The following ADAMTS17 variants were observed in gnomAD, a reference collection of about 807,000 sequenced individuals.
The protein encoded by ADAMTS17 is A disintegrin and metalloproteinase with thrombospondin motifs 17.
ADAMTS17 carries 113 observed loss-of-function variants against 141.5 expected under a neutral mutation model. That is an observed-to-expected ratio of 0.80 (90% CI 0.69 to 0.93). The LOEUF (loss-of-function observed/expected upper bound fraction) is 0.93, where lower values mean the gene tolerates loss of function less well. Ranked by LOEUF, ADAMTS17 falls within the 40% of genes least tolerant of loss-of-function variation. The pLI is 0.00. For missense variants in ADAMTS17, 1,659 were observed against 1,517.9 expected, an observed-to-expected ratio of 1.09 and a Z score of -1.54; for synonymous variants, 768 against 630.6, an observed-to-expected ratio of 1.22 and a Z score of -3.27.
chr15:100,049,039 G>A (rs1314016561), intron 17 of ADAMTS17, 47 bp from the exon 18 acceptor site: 8 of 1,613,772 alleles, frequency 5.0e-6, no homozygotes, highest in South Asian at 2.2e-5. Flanking sequence ...CTGCACCCAC[G>A]TGGAAAGGCT....
At chr15:100,015,565 T>A (rs930507950) in intron 18 of ADAMTS17, among the ~76,000 whole-genome samples, 4 of 152,230 alleles carry the variant, frequency 2.6e-5, no homozygotes, top group African/African-American at 9.6e-5. Flanking sequence ...GGCTTGGTAG[T>A]GGCGAATTCT....
At chr15:100,328,085 G>A (rs2045947515) in intron 3 of ADAMTS17, among the ~76,000 whole-genome samples, 1 of 152,128 alleles carries the variant, frequency 6.6e-6, no homozygotes, top group Non-Finnish European at 1.5e-5. Flanking sequence ...TCATAACACA[G>A]GGTCACCAAC....
chr15:100,161,314 G>C (rs1402907101), intron 8 of ADAMTS17, among the ~76,000 whole-genome samples: 3 of 152,182 alleles, frequency 2.0e-5, no homozygotes, highest in African/African-American at 4.8e-5. Context: ...AGCTTTACCT[G>C]GCTCTGACCG....
chr15:100,002,394 G>A (rs28615596), intron 18 of ADAMTS17, among the ~76,000 whole-genome samples: 3,101 of 152,122 alleles, frequency 0.02, 166 homozygotes, highest in African/African-American at 0.07. Flanking sequence ...GCATGCCGTA[G>A]GCCACAGGGT....
chr15:100,108,050 G>A (rs1037185977), intron 14 of ADAMTS17, among the ~76,000 whole-genome samples: 1 of 152,164 alleles, frequency 6.6e-6, no homozygotes, highest in African/African-American at 2.4e-5. Flanking sequence ...TGGGAGCATG[G>A]AGTCACCTCT....
chr15:100,187,988 G>A (rs1335988293), intron 8 of ADAMTS17, among the ~76,000 whole-genome samples: 1 of 152,208 alleles, frequency 6.6e-6, no homozygotes, highest in Non-Finnish European at 1.5e-5. Context: ...GGAGGCTAAG[G>A]TGGGAGGGGC....
intron 8 of ADAMTS17, among the ~76,000 whole-genome samples, chr15:100,196,638 A>G (rs760659046): frequency 6.6e-5 from 10 of 152,258 alleles, no homozygotes; most frequent in Non-Finnish European, 1.3e-4. Context: ...CTTTCTTCAC[A>G]TAAGCTAAGG....
chr15:99,974,848 G>A (rs1596126078), intron 21 of ADAMTS17, among the ~76,000 whole-genome samples: 2 of 152,212 alleles, frequency 1.3e-5, no homozygotes, highest in African/African-American at 4.8e-5. Flanking sequence ...GAGCTAAGTG[G>A]CACTTACTAT....
chr15:100,155,432 G>A (rs1295586929), intron 8 of ADAMTS17, 112 bp from the exon 9 acceptor site: 31 of 1,461,534 alleles, frequency 2.1e-5, no homozygotes, highest in Middle Eastern at 2.1e-4. Context: ...AAAAACGGAC[G>A]TAACGTGAAA....
At chr15:100,223,998 G>A (rs1000007500) in intron 7 of ADAMTS17, among the ~76,000 whole-genome samples, 12 of 152,064 alleles carry the variant, frequency 7.9e-5, no homozygotes, top group Admixed American at 7.2e-4. Flanking sequence ...GACGTAGGCT[G>A]GGAGGCTTGG....
Position 100,088,300 on chromosome 15 carries a change from T to C in ADAMTS17, c.2137+8056A>G, listed in dbSNP as rs1289674602. 3.3e-5 allele frequency among the ~76,000 whole-genome samples: 5 copies of C among 152,106 alleles called. 1 individual carries two copies. Among genetic ancestry groups the C allele is most frequent in the African/African-American group, 7.2e-5 (3 of 41,422 alleles). ...TTTACAAGGGATGTGAAGGACCTTTTAAGGAGAACTACAAACCACTGCTCA... is the reference window on the plus strand; with the variant it reads ...TTTACAAGGGATGTGAAGGACCTTTCAAGGAGAACTACAAACCACTGCTCA... On this transcript the variant is annotated intron_variant, in intron 15 of 21. Coordinates refer to ENST00000268070, the MANE Select transcript of ADAMTS17 (RefSeq NM_139057.4).
intron 3 of ADAMTS17, among the ~76,000 whole-genome samples, chr15:100,313,174 T>C (rs6598325): frequency 0.68 from 103,583 of 152,032 alleles, 35,813 homozygotes; most frequent in African/African-American, 0.79. Context: ...CTTCTTTTCA[T>C]GGAGCTATAA....
intron 15 of ADAMTS17, 25 bp downstream of exon 15, chr15:100,096,331 A>G (rs776521364): frequency 6.2e-7 from 1 of 1,612,372 alleles, no homozygotes. Context: ...CTGTAGCCAC[A>G]GCAGCCCCAT....
intron 21 of ADAMTS17, 125 bp from the exon 22 acceptor site, chr15:99,974,687 T>C (rs1020568161): frequency 3.2e-6 from 4 of 1,263,724 alleles, no homozygotes; most frequent in Middle Eastern, 1.9e-4. Context: ...CGTCAACCCT[T>C]TGCACTGATT....
chr15:99,981,778 CT>C (rs2060486850), intron 20 of ADAMTS17, among the ~76,000 whole-genome samples: 1 of 152,192 alleles, frequency 6.6e-6, no homozygotes, highest in African/African-American at 2.4e-5. Flanking sequence ...GTAAGAGCTA[CT>C]TATATAATTA....
At chr15:100,056,748 A>G (rs1253280026) in intron 15 of ADAMTS17, among the ~76,000 whole-genome samples, 1 of 151,882 alleles carries the variant, frequency 6.6e-6, no homozygotes, top group African/African-American at 2.4e-5. Flanking sequence ...CAGAAAGCAT[A>G]AGTTGGGGGA....
At chr15:100,223,257 T>G (rs1271164689) in intron 7 of ADAMTS17, among the ~76,000 whole-genome samples, 1 of 152,226 alleles carries the variant, frequency 6.6e-6, no homozygotes, top group Non-Finnish European at 1.5e-5. Context: ...CGTGGGGATG[T>G]GCGCCTGGAG....
chr15:100,123,441 G>T (rs1304280792), intron 12 of ADAMTS17, among the ~76,000 whole-genome samples: 1 of 152,182 alleles, frequency 6.6e-6, no homozygotes, highest in Non-Finnish European at 1.5e-5. Context: ...TCCTGTGAGG[G>T]CAGGAAGGCG....
chr15:100,012,390 A>G (rs946711516), intron 18 of ADAMTS17, among the ~76,000 whole-genome samples: 23 of 152,154 alleles, frequency 1.5e-4, no homozygotes, highest in Admixed American at 1.3e-3. Context: ...TAGTTTAATT[A>G]AGTCCCAACT....
Sources: gnomAD v4.1 joint callset for allele counts (sites outside exome capture counted in the v4.1 genomes callset) on GRCh38, gnomAD v4.1.1 for gene constraint, MANE v1.5 for transcripts, NCBI Gene and HGNC (gene_info 2026-07-23, HGNC 2026-07-21) for gene names.